GALNT17: variants seen among roughly 807,000 people sequenced by gnomAD.
GALNT17 encodes the protein UDP-GalNAc:polypeptide N-acetylgalactosaminyltransferase-like 3.
A neutral mutation model predicts 63.7 loss-of-function variants in GALNT17; 29 were observed. The observed-to-expected ratio is 0.46, with a 90% CI of 0.34 to 0.62. The LOEUF (loss-of-function observed/expected upper bound fraction) is 0.62. Among genes scored for constraint, GALNT17 ranks in the 20% least tolerant of loss-of-function variants. The pLI is 0.01. For missense variants in GALNT17, 603 were observed against 799.6 expected (o/e 0.75, Z 2.97); for synonymous variants, 305 against 318.3 (o/e 0.96, Z 0.45).
At chr7:71,322,138 A>G (rs1791628208) in intron 1 of GALNT17, among the ~76,000 whole-genome samples, 2 of 150,714 alleles carry the variant, frequency 1.3e-5, no homozygotes, top group African/African-American at 4.9e-5. Flanking sequence ...ATTTTTTTGT[A>G]GAGACAGGTC....
intron 1 of GALNT17, among the ~76,000 whole-genome samples, chr7:71,254,019 A>G (rs1790246698): frequency 1.3e-5 from 2 of 152,168 alleles, no homozygotes; most frequent in African/African-American, 4.8e-5. Context: ...GTCTGGTTAC[A>G]ACTTGGTTTT....
intron 1 of GALNT17, among the ~76,000 whole-genome samples, chr7:71,259,728 G>A (rs1206951041): frequency 1.4e-5 from 2 of 147,058 alleles, no homozygotes; most frequent in African/African-American, 2.5e-5. Context: ...TGCAAGCTCC[G>A]CCTCCCGGGT....
In GALNT17 at chr7:71,420,933, C is replaced by T; in HGVS notation, c.790C>T (p.Gln264Ter). Residue 264 changes from glutamine to a stop codon, truncating the protein, a stop_gained, in exon 5 of 11, where the codon CAG becomes TAG. Transcript: ENST00000333538. LOFTEE classifies it high-confidence loss of function. ...GGCTGAGCCGGTTCTATCCCGCATC[C>T]AGGAAAACCGGAAGCGTGTGATCCT... ...GWAEPVLSRI[Q>*]ENRKRVILPS... The T allele has an allele frequency of 6.2e-7, 1 of 1,614,186 alleles. No homozygotes were observed. Among genetic ancestry groups the T allele is most frequent in the Non-Finnish European group, 8.5e-7 (1 of 1,180,028 alleles).
chr7:71,665,358 G>A (rs997257047), intron 6 of GALNT17, 53 bp from the exon 7 acceptor site: 5 of 1,548,752 alleles, frequency 3.2e-6, no homozygotes, highest in African/African-American at 1.4e-5. Context: ...TGGGGAGGGG[G>A]CATAGCCTCT....
chr7:71,170,301 G>A (rs900550830), intron 1 of GALNT17, among the ~76,000 whole-genome samples: 5 of 151,732 alleles, frequency 3.3e-5, no homozygotes, highest in African/African-American at 1.2e-4. Flanking sequence ...GATATGTTCA[G>A]TTTAAAAGTT....
chr7:71,707,370 A>G (rs1392346538), intron 9 of GALNT17, among the ~76,000 whole-genome samples: 6 of 152,120 alleles, frequency 3.9e-5, no homozygotes, highest in Non-Finnish European at 7.4e-5. Context: ...TTATTTTGGA[A>G]TATGATTCTT....
At chr7:71,320,968 C>T (rs1380609290) in intron 1 of GALNT17, among the ~76,000 whole-genome samples, 1 of 152,114 alleles carries the variant, frequency 6.6e-6, no homozygotes, top group Non-Finnish European at 1.5e-5. Context: ...CCACTCTGTC[C>T]CTCCTCTTTA....
chr7:71,486,930 C>T (rs1043399275), intron 5 of GALNT17, among the ~76,000 whole-genome samples: 7 of 151,990 alleles, frequency 4.6e-5, no homozygotes, highest in Admixed American at 1.3e-4. Context: ...TGACAGCTCA[C>T]AGCCAAGTTC....
At chr7:71,271,129 A>G (rs7793827) in intron 1 of GALNT17, among the ~76,000 whole-genome samples, 6 of 152,166 alleles carry the variant, frequency 3.9e-5, no homozygotes, top group African/African-American at 1.4e-4. Context: ...GCTCATTCCA[A>G]ATGTGTTAGA....
intron 1 of GALNT17, among the ~76,000 whole-genome samples, chr7:71,256,105 C>G (rs1790284815): frequency 6.6e-6 from 1 of 152,224 alleles, no homozygotes; most frequent in Non-Finnish European, 1.5e-5. Flanking sequence ...CTTATCACAA[C>G]CCAGACATTC....
intron 6 of GALNT17, among the ~76,000 whole-genome samples, chr7:71,617,616 T>TTTG (rs1790232531): frequency 1.4e-5 from 2 of 146,500 alleles, no homozygotes; most frequent in East Asian, 4.2e-4. Context: ...AACTGGCTGC[T>TTTG]TTTGTTTGTT....
intron 1 of GALNT17, among the ~76,000 whole-genome samples, chr7:71,207,110 A>G (rs1353231407): frequency 6.9e-6 from 1 of 144,936 alleles, no homozygotes. Context: ...TGTCTCAAAG[A>G]AAAAAAAAAA....
At chr7:71,292,664 AGAGAGTGTGT>A (rs758241525) in intron 1 of GALNT17, among the ~76,000 whole-genome samples, 423 of 114,220 alleles carry the variant, frequency 3.7e-3, no homozygotes, top group African/African-American at 5.3e-3. Context: ...AGAGAGAGAG[AGAGAGTGTGT>A]GTGTGTGTGT....
At chr7:71,697,225 T>TTAC (rs1264948104) in intron 9 of GALNT17, among the ~76,000 whole-genome samples, 1 of 152,096 alleles carries the variant, frequency 6.6e-6, no homozygotes, top group African/African-American at 2.4e-5. Context: ...AGGCAAGGAA[T>TTAC]GGTATGGTTA....
intron 2 of GALNT17, among the ~76,000 whole-genome samples, chr7:71,354,745 C>T (rs1448140288): frequency 6.6e-6 from 1 of 152,150 alleles, no homozygotes; most frequent in African/African-American, 2.4e-5. Flanking sequence ...TTTCAATCCT[C>T]TGGAACAATT....
At position 71,659,254 on chromosome 7, in the gene GALNT17, A is replaced by T. The variant is rs1229536311; in HGVS notation, c.1081-6157A>T. Among the ~76,000 whole-genome samples the T allele has an allele frequency of 5.9e-5, 9 of 152,146 alleles. No individual in the cohort carries two copies. In the East Asian group the frequency reaches 1.5e-3, roughly 26 times the overall value. ...TCTTTCAGCTCTTTGAATATCCTCT[A>T]TGTATCACTTATGTATTGCAGTGTA... On this transcript the variant is annotated intron_variant, in intron 6 of 10. Transcript: ENST00000333538.
chr7:71,431,025 AG>A (rs1048982578), intron 5 of GALNT17, among the ~76,000 whole-genome samples: 4 of 152,062 alleles, frequency 2.6e-5, no homozygotes, highest in Non-Finnish European at 5.9e-5. Context: ...ATAGCACTTC[AG>A]GGCAATGAAA....
intron 1 of GALNT17, among the ~76,000 whole-genome samples, chr7:71,210,132 A>G (rs1490081284): frequency 2.0e-5 from 3 of 152,144 alleles, no homozygotes; most frequent in African/African-American, 7.2e-5. Context: ...CATGTTAGCC[A>G]GGCTGGTCTT....
intron 6 of GALNT17, among the ~76,000 whole-genome samples, chr7:71,656,853 GGAGA>G (rs1790835959): frequency 6.6e-6 from 1 of 152,164 alleles, no homozygotes; most frequent in African/African-American, 2.4e-5. Flanking sequence ...GAGGTCGTGG[GGAGA>G]GAGAACACAC....
Sources: allele counts gnomAD v4.1 joint callset (sites outside exome capture counted in the v4.1 genomes callset), GRCh38; gene constraint gnomAD v4.1.1; transcripts MANE v1.5; gene names NCBI Gene and HGNC (gene_info 2026-07-23, HGNC 2026-07-21).